MYO18A: variants seen among roughly 807,000 people sequenced by gnomAD.
The protein encoded by MYO18A is unconventional myosin-XVIIIa.
Under a neutral mutation model 235.8 loss-of-function variants are expected in MYO18A, and 78 were observed. That is an observed-to-expected ratio of 0.33 (90% CI 0.28 to 0.40). The LOEUF is 0.40. Among genes scored for constraint, MYO18A ranks in the 10% least tolerant of loss-of-function variants. The pLI is 1.00. For missense variants in MYO18A, 2,215 were observed against 2,699.3 expected, an observed-to-expected ratio of 0.82 and a Z score of 3.98; for synonymous variants, 977 against 1,077.8, an observed-to-expected ratio of 0.91 and a Z score of 1.83.
intron 41 of MYO18A, chr17:29,080,550 G>T (rs1286836294): frequency 2.0e-6 from 2 of 985,936 alleles, no homozygotes; most frequent in Non-Finnish European, 1.2e-6. Flanking sequence ...TCCTGGAGAG[G>T]CTGTCGAGCC....
chr17:29,129,093 G>A (rs1406008349), intron 2 of MYO18A: 1 of 1,289,238 alleles, frequency 7.8e-7, no homozygotes, highest in Non-Finnish European at 1.0e-6. Flanking sequence ...TGTTTTCCGG[G>A]CAGTCAGACC....
intron 1 of MYO18A, among the ~76,000 whole-genome samples, chr17:29,173,460 T>C (rs1184949119): frequency 6.9e-6 from 1 of 143,968 alleles, no homozygotes; most frequent in African/African-American, 2.6e-5. Flanking sequence ...CGATCTCTGC[T>C]CACTGCAAGC....
chr17:29,130,457 C>T (rs911393340), intron 2 of MYO18A, among the ~76,000 whole-genome samples: 2 of 149,008 alleles, frequency 1.3e-5, no homozygotes, highest in Non-Finnish European at 3.0e-5. Flanking sequence ...AAATTCTGGG[C>T]AACTCTGAGG....
chr17:29,137,976 G>A (rs1598364699), intron 2 of MYO18A, among the ~76,000 whole-genome samples: 1 of 152,306 alleles, frequency 6.6e-6, no homozygotes, highest in African/African-American at 2.4e-5. Context: ...TCTCAAAGAG[G>A]AGAAATCCAA....
intron 20 of MYO18A, among the ~76,000 whole-genome samples, chr17:29,105,171 C>CA (rs58344909): frequency 0.044 from 1,544 of 35,230 alleles, 60 homozygotes; most frequent in African/African-American, 0.055. Context: ...GACTCTGTCT[C>CA]AAAAAAAAAA....
intron 2 of MYO18A, among the ~76,000 whole-genome samples, chr17:29,156,218 C>G (rs1458575044): frequency 6.6e-6 from 1 of 152,262 alleles, no homozygotes; most frequent in African/African-American, 2.4e-5. Flanking sequence ...GGAAGCCCCA[C>G]TGGGCCACAT....
intron 2 of MYO18A, among the ~76,000 whole-genome samples, chr17:29,132,054 C>T (rs2067486362): frequency 6.6e-6 from 1 of 152,200 alleles, no homozygotes; most frequent in Non-Finnish European, 1.5e-5. Context: ...TTTTCTCAAC[C>T]TCAGACCCAC....
Position 29,158,680 on chromosome 17 carries a change from T to C in MYO18A, c.999+7262A>G, listed in dbSNP as rs1283601870. ...CCCCACCGTCCCCCCAAGACTGCAG[T>C]GAGTAGAATACAGCAGCTTAGTGCA... On this transcript the variant is annotated intron_variant, in intron 2 of 41. Coordinates refer to ENST00000527372, the MANE Select transcript of MYO18A (RefSeq NM_078471.4). The surrounding 1 kb of genome is among the most constrained non-coding windows in gnomAD (Gnocchi z 4.3). Among the ~76,000 whole-genome samples, 1 of 152,102 alleles carries C rather than the reference T, an allele frequency of 6.6e-6. No individual in the cohort carries two copies. Among genetic ancestry groups the C allele is most frequent in the Non-Finnish European group, 1.5e-5 (1 of 68,000 alleles).
chr17:29,120,584 C>G lies in MYO18A; in HGVS notation c.1728+32G>C. ...GTCATGAAATCATGTGGCCTGTGTC[C>G]TACTACCCCGAGTCCTGGGCAGCAC... On this transcript the variant is annotated intron_variant, in intron 7 of 41. Transcript: ENST00000527372. The surrounding 1 kb of genome is among the most constrained non-coding windows in gnomAD (Gnocchi z 4.2). The G allele has an allele frequency of 6.2e-7, 1 of 1,603,432 alleles. No individual in the cohort carries two copies. The highest frequency in any genetic ancestry group is 8.5e-7 in the Non-Finnish European group (1 of 1,174,550).
rs1477599217 is a variant in MYO18A, at chr17:29,093,445, C to A, written c.4822-18G>T. 6.3e-7 allele frequency: 1 copy of A among 1,595,314 alleles called. No homozygotes were observed. Among genetic ancestry groups the A allele is most frequent in the South Asian group, 1.1e-5 (1 of 90,498 alleles). ...TGTTTTAACTGGAGTACCATGGGGA[C>A]AGAGACCCGTCCGTCCCTTTAGTGC... On this transcript the variant is annotated intron_variant, in intron 31 of 41. Transcript: ENST00000527372.
Position 29,072,985 on chromosome 17 carries a change from C to G in MYO18A, c.*1785G>C, listed in dbSNP as rs983010180. 3 of 152,142 alleles carry G rather than the reference C, an allele frequency of 2.0e-5. No homozygotes were observed. The highest frequency in any genetic ancestry group is 2.0e-4 in the Admixed American group (3 of 15,268). The allele number at this position is 152,142 out of a possible 1,614,324, so 9.4% of individuals were successfully genotyped here. ...ATTGCCCTGTGGGCCCGAGCTAGTT[C>G]TGCCAAGTTTTGATCAAAAAGTCAC... On this transcript the variant is annotated 3_prime_UTR_variant, in exon 42 of 42. Transcript: ENST00000527372.
chr17:29,104,702 C>T (rs2066738676), intron 20 of MYO18A, among the ~76,000 whole-genome samples: 1 of 152,004 alleles, frequency 6.6e-6, no homozygotes. Context: ...ATACATATGG[C>T]CAAGGACAGA....
In MYO18A at chr17:29,166,915, T is replaced by G; in HGVS notation, c.26A>C (p.Lys9Thr). The change falls in exon 2 of 42, where the codon AAG (lysine) becomes ACG (threonine). Residue 9 changes from lysine to threonine, a missense_variant. By Grantham distance (78) the Lys-to-Thr change is moderately conservative. Transcript: ENST00000527372. ...CTCCTTCCGCCCGCCATCTTTGTCCTTGTCTTTCTTCATTAGGTTAAACAT... is the reference window on the plus strand; with the variant it reads ...CTCCTTCCGCCCGCCATCTTTGTCCGTGTCTTTCTTCATTAGGTTAAACAT... MFNLMKKDKDKDGGRKEKK... is the reference protein window; with the variant it reads MFNLMKKDTDKDGGRKEKK... 6.5e-7 allele frequency: 1 copy of G among 1,547,368 alleles called. No individual in the cohort carries two copies. The highest frequency in any genetic ancestry group is 2.4e-5 in the East Asian group (1 of 40,836).
Position 29,106,537 on chromosome 17 carries a change from G to A in MYO18A, c.3441+543C>T, listed in dbSNP as rs1598311342. The stretch of plus-strand genomic sequence containing the variant: ...AGGGGTCCTCTGCTCTGGGAGCCCT[G>A]TGACTGTCTAAGGGGCTGCCTCTGG... On this transcript the variant is annotated intron_variant, in intron 20 of 41. Transcript: ENST00000527372. This position sits in a 1 kb window ranked among gnomAD's most constrained non-coding sequence, Gnocchi z 4.6. 6.6e-6 allele frequency among the ~76,000 whole-genome samples: 1 copy of A among 152,338 alleles called. No homozygotes were observed. The highest frequency in any genetic ancestry group is 1.9e-4 in the East Asian group (1 of 5,174).
rs76590796 is a variant in MYO18A, at chr17:29,098,836, C to T, written c.3770G>A (p.Arg1257Gln). ...CAGGCTGTCACATACGTCTTTGTTCCGGATCTGCTCCTCTGACAGCTGTAC... is the reference window on the plus strand; with the variant it reads ...CAGGCTGTCACATACGTCTTTGTTCTGGATCTGCTCCTCTGACAGCTGTAC... ...IEVQLSEEQIRNKDEEIQQLR... is the reference protein window; with the variant it reads ...IEVQLSEEQIQNKDEEIQQLR... Residue 1257 changes from arginine to glutamine, a missense_variant, in exon 23 of 42, where the codon CGG (arginine) becomes CAG (glutamine). Transcript: ENST00000527372. 3.8e-3 allele frequency: 6,066 copies of T among 1,613,948 alleles called. 22 individuals are homozygous for T. The highest frequency in any genetic ancestry group is 4.6e-3 in the Non-Finnish European group (5,395 of 1,179,850).
chr17:29,098,702 T>C (rs2066582799), intron 23 of MYO18A, 124 bp downstream of exon 23: 1 of 1,350,382 alleles, frequency 7.4e-7, no homozygotes, highest in Non-Finnish European at 1.0e-6. Context: ...ACATCTTCTA[T>C]TTGATGAGCA....
In MYO18A at chr17:29,073,080, A is replaced by AGAAT. The variant is rs2065903437; in HGVS notation, c.*1686_*1689dup. ...GAAGGGCTTGAATCCAAAAAGAAAGAGAATGAAAGAAAGAAAGAGAGAGAG... is the reference window on the plus strand; with the variant it reads ...GAAGGGCTTGAATCCAAAAAGAAAGAGAATGAATGAAAGAAAGAAAGAGAGAGAG... On this transcript the variant is annotated 3_prime_UTR_variant, in exon 42 of 42. Transcript: ENST00000527372. 7.5e-6 allele frequency: 1 copy of AGAAT among 134,080 alleles called. No individual in the cohort carries two copies. The highest frequency in any genetic ancestry group is 7.3e-5 in the Admixed American group (1 of 13,712). 8.3% of individuals were successfully genotyped at this position (134,080 alleles called of 1,614,324 possible).
chr17:29,080,721 C>G (rs2066099393), intron 41 of MYO18A: 1 of 985,410 alleles, frequency 1.0e-6, no homozygotes, highest in African/African-American at 1.7e-5. Context: ...ACCGCTTCTG[C>G]GGCCCCCGGC....
At position 29,115,827 on chromosome 17, in the gene MYO18A, C is replaced by A; in HGVS notation, c.2064G>T (p.Gln688His). Residue 688 changes from glutamine (Q) to histidine (H), a missense_variant, in exon 12 of 42, where the codon CAG (glutamine) becomes CAT (histidine). By Grantham distance (24) the Gln-to-His change is conservative. Transcript: ENST00000527372. Reference sequence around the variant, plus strand: ...TCTGGGCCCACTCATGGCGGGCAAACTGCTTGCGCCCAGCTGTGGAGTGGA... The same window carrying A: ...TCTGGGCCCACTCATGGCGGGCAAAATGCTTGCGCCCAGCTGTGGAGTGGA... ...TKEAAEAGRKQFARHEWAQKA... is the reference protein window; with the variant it reads ...TKEAAEAGRKHFARHEWAQKA... 6.3e-7 allele frequency: 1 copy of A among 1,580,162 alleles called. No homozygotes were observed. The highest frequency in any genetic ancestry group is 1.2e-5 in the South Asian group (1 of 86,454).
Sources: gnomAD v4.1 joint callset for allele counts (sites outside exome capture counted in the v4.1 genomes callset) on GRCh38, gnomAD v4.1.1 for gene constraint, Gnocchi (gnomAD v3.1) non-coding constraint, MANE v1.5 for transcripts, NCBI Gene and HGNC (gene_info 2026-07-23, HGNC 2026-07-21) for gene names.